Variants in ARHGAP17 observed in about 807,000 individuals in gnomAD.
The protein encoded by ARHGAP17 is Rho GTPase activating protein 17, also known as rho GTPase-activating protein 17.
In ARHGAP17, 57 loss-of-function variants were observed where a neutral mutation model predicts 99.5. That is an observed-to-expected ratio of 0.57 (90% CI 0.46 to 0.71). The LOEUF is 0.71. Among genes scored for constraint, ARHGAP17 ranks in the 30% least tolerant of loss-of-function variants. ARHGAP17 has a pLI of 0.00. For missense variants in ARHGAP17, 1,000 were observed against 1,122.4 expected (o/e 0.89, Z 1.56); for synonymous variants, 417 against 429.6 (o/e 0.97, Z 0.36).
rs1461145647 is a variant in ARHGAP17 at position 24,935,542 on chromosome 16, C to A, written c.1822G>T (p.Ala608Ser). The A allele has an allele frequency of 1.2e-6, 2 of 1,613,752 alleles. No homozygotes were observed. The highest frequency in any genetic ancestry group is 2.7e-5 in the African/African-American group (2 of 74,924). The change falls in exon 18 of 20, where the codon GCT becomes TCT. Residue 608 changes from alanine to serine, a missense_variant. This residue lies in a region of ARHGAP17 where 528 missense variants were observed against 511.4 expected (regional missense o/e 1.03). Coordinates refer to ENST00000289968, the MANE Select transcript of ARHGAP17 (RefSeq NM_001006634.3). ...ASGQNQPQAA[A>S]GSHQLSMGQP... ...CCCATGGAGAGCTGGTGGGAGCCAG[C>A]AGCTGCCTGGGGCTGATTTTGGCCA...
chr16:24,932,832 C>T (rs2051033053), intron 18 of ARHGAP17, among the ~76,000 whole-genome samples: 1 of 151,924 alleles, frequency 6.6e-6, no homozygotes, highest in South Asian at 2.1e-4. Context: ...AGATTTTAGC[C>T]TTTTTCAAAC....
At position 25,015,297 on chromosome 16, in the gene ARHGAP17, C is replaced by T; in HGVS notation, c.-36G>A. 1 of 1,306,952 alleles carries T rather than the reference C, an allele frequency of 7.7e-7. No homozygotes were observed. 81.0% of individuals were successfully genotyped at this position (1,306,952 alleles called of 1,614,324 possible). A position where few individuals can be genotyped will look rare whatever the true frequency, so the allele number is the denominator to read the frequency against. Reference sequence around the variant, plus strand: ...GCGGCGGCGGCCCGCGGGGCTCGGGCCGGGCAGGGCGGGGGACAGCCTGGC... The same window carrying T: ...GCGGCGGCGGCCCGCGGGGCTCGGGTCGGGCAGGGCGGGGGACAGCCTGGC... On this transcript the variant is annotated 5_prime_UTR_variant, in exon 1 of 20. Transcript: ENST00000289968.
At chr16:24,967,394 T>C (rs2052219512) in intron 6 of ARHGAP17, among the ~76,000 whole-genome samples, 1 of 152,192 alleles carries the variant, frequency 6.6e-6, no homozygotes, top group Admixed American at 6.5e-5. Flanking sequence ...TATCCAGCCC[T>C]TTACAGAAGA....
intron 14 of ARHGAP17, among the ~76,000 whole-genome samples, chr16:24,944,895 C>T (rs1053014370): frequency 1.9e-4 from 29 of 151,716 alleles, no homozygotes; most frequent in Non-Finnish European, 4.1e-4. Flanking sequence ...GGATTACAGG[C>T]GTGAGCCACC....
chr16:24,959,631 A>C, intron 9 of ARHGAP17, 40 bp downstream of exon 9: 1 of 1,594,366 alleles, frequency 6.3e-7, no homozygotes, highest in Non-Finnish European at 8.6e-7. Context: ...GAGGTGGCAG[A>C]GGCAAGAAGG....
intron 12 of ARHGAP17, 88 bp from the exon 13 acceptor site, chr16:24,949,572 TG>T (rs2051573279): frequency 8.8e-7 from 1 of 1,142,712 alleles, no homozygotes; most frequent in Non-Finnish European, 1.3e-6. Context: ...GCCTCCATTT[TG>T]ACAGAGAAAG....
At chr16:24,994,445 T>C (rs913070398) in intron 1 of ARHGAP17, among the ~76,000 whole-genome samples, 6 of 152,144 alleles carry the variant, frequency 3.9e-5, no homozygotes, top group Admixed American at 2.6e-4. Flanking sequence ...TATTTTCGGG[T>C]TCCCTTCCAT....
intron 1 of ARHGAP17, among the ~76,000 whole-genome samples, chr16:24,992,577 G>A (rs1043251430): frequency 5.3e-5 from 8 of 151,930 alleles, no homozygotes; most frequent in African/African-American, 9.7e-5. Context: ...CTCATGATCC[G>A]CCCACCTCGG....
intron 1 of ARHGAP17, among the ~76,000 whole-genome samples, chr16:25,002,843 A>G (rs1395188419): frequency 2.0e-5 from 3 of 152,152 alleles, no homozygotes; most frequent in Non-Finnish European, 2.9e-5. Context: ...GTTTGAGACC[A>G]GCCTGACCAA....
chr16:24,919,974 C>T lies in ARHGAP17; in HGVS notation c.*156G>A. On this transcript the variant is annotated 3_prime_UTR_variant, in exon 20 of 20. Coordinates refer to ENST00000289968, the MANE Select transcript of ARHGAP17 (RefSeq NM_001006634.3). ...GCTTTAGTGGTGGCCTCCAGGTTCT[C>T]CTTGGGCCGTGCAGAAGGCCAGGTC... The T allele has an allele frequency of 9.0e-7, 1 of 1,108,562 alleles. No homozygotes were observed. The allele number at this position is 1,108,562 out of a possible 1,614,324, so 68.7% of individuals were successfully genotyped here. A position where few individuals can be genotyped will look rare whatever the true frequency, so the allele number is the denominator to read the frequency against.
rs1459483595 is a variant in ARHGAP17 at position 24,931,243 on chromosome 16, G to C, written c.2056C>G (p.Pro686Ala). 6.5e-7 allele frequency: 1 copy of C among 1,545,518 alleles called. No individual in the cohort carries two copies. The highest frequency in any genetic ancestry group is 8.7e-7 in the Non-Finnish European group (1 of 1,146,510). Residue 686 changes from proline (P) to alanine (A), a missense_variant, in exon 19 of 20, where the codon CCA becomes GCA. Physicochemically the swap from Pro to Ala is conservative, Grantham distance 27 (BLOSUM62 -1). Transcript: ENST00000289968. ...TGGGAGGGGGCGGAGGGCTGGCCTG[G>C]AGGCTGGCCCGTGTGCTGGGTGGGA... The part of the protein sequence containing the change: ...SPPTQHTGQP[P>A]GQPSAPSQLS...
intron 1 of ARHGAP17, among the ~76,000 whole-genome samples, chr16:25,011,414 T>C (rs2053638895): frequency 6.6e-6 from 1 of 151,702 alleles, no homozygotes; most frequent in Non-Finnish European, 1.5e-5. Flanking sequence ...ACCTAAAGAG[T>C]GGAACCGAGG....
intron 19 of ARHGAP17, among the ~76,000 whole-genome samples, chr16:24,928,902 G>C (rs1403518572): frequency 6.6e-6 from 1 of 152,218 alleles, no homozygotes; most frequent in Non-Finnish European, 1.5e-5. Context: ...GTATTTGGCG[G>C]AAGATTTTTT....
chr16:24,947,523 C>G lies in ARHGAP17; in HGVS notation c.1200G>C (p.Ala400=). The G allele has an allele frequency of 6.2e-7, 1 of 1,613,738 alleles. No individual in the cohort carries two copies. Among genetic ancestry groups the G allele is most frequent in the Non-Finnish European group, 8.5e-7 (1 of 1,180,014 alleles). ...ATAACAAGTTAGGGCCTAACACAATCGCAATGTTGCTGGGAGTCATTTTAT... is the reference window on the plus strand; with the variant it reads ...ATAACAAGTTAGGGCCTAACACAATGGCAATGTTGCTGGGAGTCATTTTAT... ...DVNKMTPSNI[A]IVLGPNLLWA... is the part of the protein sequence containing the mutation. The change falls in exon 14 of 20, where the codon GCG becomes GCC. Residue 400 remains alanine, a synonymous_variant. Transcript: ENST00000289968.
At chr16:24,954,502 A>G in intron 10 of ARHGAP17, 101 bp downstream of exon 10, 1 of 1,468,426 alleles carries the variant, frequency 6.8e-7, no homozygotes, top group Non-Finnish European at 9.1e-7. Context: ...ATGGCTGTAT[A>G]ACTAAGCAGG....
chr16:25,009,096 T>G (rs978307254), intron 1 of ARHGAP17, among the ~76,000 whole-genome samples: 2 of 152,206 alleles, frequency 1.3e-5, no homozygotes, highest in Non-Finnish European at 2.9e-5. Context: ...GCAGGCGTGG[T>G]GGCTCACGCC....
rs148886586 is a variant in ARHGAP17, at chr16:25,012,630, G to A, written c.53+2579C>T. Among the ~76,000 whole-genome samples, 9 of 152,258 alleles carry A rather than the reference G, an allele frequency of 5.9e-5. No homozygotes were observed. In the East Asian group the frequency reaches 1.7e-3, roughly 29 times the overall value. On this transcript the variant is annotated intron_variant, in intron 1 of 19. Coordinates refer to ENST00000289968, the MANE Select transcript of ARHGAP17 (RefSeq NM_001006634.3). Reference sequence around the variant, plus strand: ...CAATTCTAGGCACTCTCCAGCCTCCGTTTATCTTCCTTAGTCCTTTCTGAT... The same window carrying A: ...CAATTCTAGGCACTCTCCAGCCTCCATTTATCTTCCTTAGTCCTTTCTGAT...
chr16:24,925,922 A>G (rs1280770943), intron 19 of ARHGAP17, among the ~76,000 whole-genome samples: 8 of 152,040 alleles, frequency 5.3e-5, no homozygotes, highest in Non-Finnish European at 1.2e-4. Context: ...CATCTTGGCT[A>G]ACATGGTGAA....
Position 24,919,479 on chromosome 16 carries a change from TA to T in ARHGAP17, c.*650del, listed in dbSNP as rs201456679. 3,519 of 141,778 alleles carry T rather than the reference TA, an allele frequency of 0.025. 87 individuals carry two copies. The highest frequency in any genetic ancestry group is 0.07 in the African/African-American group (2,726 of 38,748). 8.8% of individuals were successfully genotyped at this position (141,778 alleles called of 1,614,324 possible). ...CTTATCAAGTAGCAATTACATTGTT[TA>T]AAAAAAAAAAAAAGAACAGTACATT... On this transcript the variant is annotated 3_prime_UTR_variant, in exon 20 of 20. Transcript: ENST00000289968.
Sources: gnomAD v4.1 joint callset for allele counts (sites outside exome capture counted in the v4.1 genomes callset) on GRCh38, gnomAD v4.1.1 for gene constraint, gnomAD v4.1.1 regional missense constraint, MANE v1.5 for transcripts, NCBI Gene and HGNC (gene_info 2026-07-23, HGNC 2026-07-21) for gene names.